Variants in NPLOC4 observed in about 807,000 individuals in gnomAD.
NPLOC4 encodes the protein NPL4 homolog, ubiquitin recognition factor.
NPLOC4 carries 18 observed loss-of-function variants against 80.6 expected under a neutral mutation model. The observed-to-expected ratio is 0.22, with a 90% CI of 0.15 to 0.33. The LOEUF is 0.33. Among genes scored for constraint, NPLOC4 ranks in the 10% least tolerant of loss-of-function variants. NPLOC4 has a pLI of 1.00. For synonymous variants in NPLOC4, 313 were observed against 301.5 expected (o/e 1.04, Z -0.39); for missense variants, 540 against 786.1 (o/e 0.69, Z 3.74).
chr17:81,606,489 G>A (rs553242466), intron 7 of NPLOC4, among the ~76,000 whole-genome samples: 1 of 152,204 alleles, frequency 6.6e-6, no homozygotes, highest in East Asian at 1.9e-4. Context: ...CTGAGGGCGC[G>A]CACTCCATAT....
intron 7 of NPLOC4, 87 bp from the exon 8 acceptor site, chr17:81,604,814 C>A: frequency 8.1e-7 from 1 of 1,236,086 alleles, no homozygotes; most frequent in Non-Finnish European, 1.1e-6. Context: ...TCATAAATAT[C>A]TTTTACCTAG....
chr17:81,590,671 G>GA (rs112640115), intron 11 of NPLOC4, among the ~76,000 whole-genome samples: 21,380 of 151,538 alleles, frequency 0.14, 1,782 homozygotes, highest in Admixed American at 0.23. Context: ...AGTTTTGGAT[G>GA]AAAAAAAACC....
intron 2 of NPLOC4, among the ~76,000 whole-genome samples, chr17:81,625,742 A>G (rs118110072): frequency 0.012 from 1,871 of 152,008 alleles, 14 homozygotes; most frequent in South Asian, 0.019. Flanking sequence ...CTCTAAAAAG[A>G]AAAACATAAA....
intron 3 of NPLOC4, among the ~76,000 whole-genome samples, chr17:81,619,030 C>A (rs1348768106): frequency 6.6e-6 from 1 of 151,968 alleles, no homozygotes; most frequent in African/African-American, 2.4e-5. Flanking sequence ...GTCATCACCA[C>A]TCCCTAATCT....
chr17:81,574,911 GC>G (rs2144075167), intron 12 of NPLOC4, among the ~76,000 whole-genome samples: 1 of 151,570 alleles, frequency 6.6e-6, no homozygotes, highest in East Asian at 1.9e-4. Context: ...AAACACAAAA[GC>G]ATGTGGGCTT....
rs567814008 is a variant in NPLOC4, at chr17:81,572,274, C to T, written c.1282-186G>A. On this transcript the variant is annotated intron_variant, in intron 12 of 16. Coordinates refer to ENST00000331134, the MANE Select transcript of NPLOC4 (RefSeq NM_017921.4). This position sits in a 1 kb window ranked among gnomAD's most constrained non-coding sequence, Gnocchi z 4.5. ...CGTGATCTCCACTCACTGCAAGCTC[C>T]GCCTCCCAGGTTCACACCATTCTCC... Among the ~76,000 whole-genome samples the T allele has an allele frequency of 1.3e-5, 2 of 152,034 alleles. No individual in the cohort carries two copies. The highest frequency in any genetic ancestry group is 1.9e-4 in the East Asian group (1 of 5,164).
intron 4 of NPLOC4, chr17:81,612,721 A>C (rs971209416): frequency 9.6e-6 from 1 of 104,410 alleles, no homozygotes; most frequent in African/African-American, 4.5e-5. Context: ...AATTGCAAAA[A>C]ATCTAAAATA....
At chr17:81,579,193 G>A (rs2034374167) in intron 12 of NPLOC4, among the ~76,000 whole-genome samples, 1 of 152,178 alleles carries the variant, frequency 6.6e-6, no homozygotes, top group African/African-American at 2.4e-5. Flanking sequence ...GGCCAACATG[G>A]CAAAACCCCT....
At chr17:81,585,170 C>CAAAAAAAAAAAAAAAAAA (rs35473939) in intron 12 of NPLOC4, among the ~76,000 whole-genome samples, 1 of 40,884 alleles carries the variant, frequency 2.4e-5, no homozygotes, top group African/African-American at 1.3e-4. Context: ...ACTCTGTCGC[C>CAAAAAAAAAAAAAAAAAA]AAAAAAAAAA....
rs538036646 is a variant in NPLOC4 at position 81,558,323 on chromosome 17, C to G, written c.*936G>C. The stretch of plus-strand genomic sequence containing the variant: ...GGGCCAGAGCATCGGCACCGGTGAC[C>G]CAGCTCTCCCACCCAGGCCATCGCA... On this transcript the variant is annotated 3_prime_UTR_variant, in exon 17 of 17. Transcript: ENST00000331134. The G allele has an allele frequency of 2.0e-5, 3 of 152,428 alleles. No individual in the cohort carries two copies. Among genetic ancestry groups the G allele is most frequent in the African/African-American group, 7.2e-5 (3 of 41,572 alleles). 9.4% of individuals were successfully genotyped at this position (152,428 alleles called of 1,614,324 possible).
intron 15 of NPLOC4, among the ~76,000 whole-genome samples, chr17:81,565,939 C>T (rs185364541): frequency 2.6e-5 from 4 of 152,318 alleles, no homozygotes; most frequent in East Asian, 1.9e-4. Context: ...GACTGTGAGA[C>T]GTGTCCTCCT....
intron 12 of NPLOC4, among the ~76,000 whole-genome samples, chr17:81,578,298 CTCACACA>C (rs2034354005): frequency 6.6e-6 from 1 of 152,146 alleles, no homozygotes; most frequent in African/African-American, 2.4e-5. Context: ...GTGGCTTCCT[CTCACACA>C]CTCTAGTCTC....
At chr17:81,616,935 C>T (rs777455925) in intron 3 of NPLOC4, among the ~76,000 whole-genome samples, 8 of 152,166 alleles carry the variant, frequency 5.3e-5, no homozygotes, top group Non-Finnish European at 1.0e-4. Flanking sequence ...GATTCTAGGA[C>T]ATGGAAGTGG....
intron 16 of NPLOC4, chr17:81,564,083 AAC>A (rs58774657): frequency 0.37 from 101,439 of 272,760 alleles, 12,260 homozygotes; most frequent in East Asian, 0.66. Flanking sequence ...TCCAGCTCAA[AAC>A]ACACACACAC....
In NPLOC4 at chr17:81,558,159, C is replaced by G. The variant is rs1882985832; in HGVS notation, c.*1100G>C. On this transcript the variant is annotated 3_prime_UTR_variant, in exon 17 of 17. Transcript: ENST00000331134. ...AGCAGGACCCCACCACGTGCTGTTCCAGATCGCCCAGTCTCCCTCTATTGG... is the reference window on the plus strand; with the variant it reads ...AGCAGGACCCCACCACGTGCTGTTCGAGATCGCCCAGTCTCCCTCTATTGG... 6.6e-6 allele frequency: 1 copy of G among 152,450 alleles called. No individual in the cohort carries two copies. Among genetic ancestry groups the G allele is most frequent in the African/African-American group, 2.4e-5 (1 of 41,444 alleles). The allele number at this position is 152,450 out of a possible 1,614,324, so 9.4% of individuals were successfully genotyped here.
intron 3 of NPLOC4, among the ~76,000 whole-genome samples, chr17:81,615,528 G>A (rs1371640295): frequency 6.6e-6 from 1 of 152,182 alleles, no homozygotes; most frequent in East Asian, 1.9e-4. Flanking sequence ...GAGCTCTAAA[G>A]AAAGTAGAGG....
intron 6 of NPLOC4, among the ~76,000 whole-genome samples, chr17:81,607,035 C>T (rs902639742): frequency 1.3e-5 from 2 of 152,158 alleles, no homozygotes; most frequent in Non-Finnish European, 2.9e-5. Flanking sequence ...TTCAACCATA[C>T]AGGAACACAC....
At chr17:81,602,924 C>CATACATACATATATATGTATATAT (rs2035097870) in intron 8 of NPLOC4, among the ~76,000 whole-genome samples, 1 of 103,760 alleles carries the variant, frequency 9.6e-6, no homozygotes, top group African/African-American at 4.3e-5. Context: ...TGTATATATA[C>CATACATACATATATATGTATATAT]ACACACACAT....
chr17:81,569,460 GT>G (rs1450146728), intron 13 of NPLOC4, among the ~76,000 whole-genome samples: 1 of 152,246 alleles, frequency 6.6e-6, no homozygotes, highest in Non-Finnish European at 1.5e-5. Flanking sequence ...CGAAAGGCTG[GT>G]TTGGCCCCTT....
Sources: allele counts gnomAD v4.1 joint callset (sites outside exome capture counted in the v4.1 genomes callset), GRCh38; gene constraint gnomAD v4.1.1; non-coding constraint Gnocchi (gnomAD v3.1); transcripts MANE v1.5; gene names NCBI Gene and HGNC (gene_info 2026-07-23, HGNC 2026-07-21).